Variants in GRIN2A observed in about 807,000 individuals in gnomAD.
The protein encoded by GRIN2A is glutamate receptor ionotropic, NMDA 2A.
GRIN2A carries 22 observed loss-of-function variants against 113.4 expected under a neutral mutation model. That is an observed-to-expected ratio of 0.19 (90% CI 0.14 to 0.28). GRIN2A has a LOEUF of 0.28. Among genes scored for constraint, GRIN2A ranks in the 10% least tolerant of loss-of-function variants. GRIN2A has a pLI of 1.00. For missense variants in GRIN2A, 1,502 were observed against 1,887.0 expected (o/e 0.80, Z 3.78); for synonymous variants, 827 against 738.4 (o/e 1.12, Z -1.94).
chr16:9,829,837 TC>T (rs898246643), intron 8 of GRIN2A, among the ~76,000 whole-genome samples, 185 bp from the exon 9 acceptor site: 2 of 152,152 alleles, frequency 1.3e-5, no homozygotes, highest in Non-Finnish European at 2.9e-5. Flanking sequence ...TTAGCATTCT[TC>T]TCACATTTCT....
chr16:10,044,022 T>TATAGAGAG (rs531659457), intron 2 of GRIN2A, among the ~76,000 whole-genome samples: 1,251 of 107,634 alleles, frequency 0.012, 16 homozygotes, highest in East Asian at 0.018. Context: ...TATATATATA[T>TATAGAGAG]AGAGAGAGAG....
chr16:9,963,584 G>A (rs1057123085), intron 2 of GRIN2A, among the ~76,000 whole-genome samples: 2 of 152,088 alleles, frequency 1.3e-5, no homozygotes, highest in African/African-American at 4.8e-5. Context: ...GGTCACAATT[G>A]TATATATGTG....
At position 9,765,848 on chromosome 16, in the gene GRIN2A, T is replaced by A. The variant is rs563501083; in HGVS notation, c.2596-900A>T. On this transcript the variant is annotated intron_variant, in intron 12 of 12. Transcript: ENST00000330684. Reference sequence around the variant, plus strand: ...CACAGTGACACCGCCTTTAAATCCATCCAGGGAACTGAATGACTTAAGGGC... The same window carrying A: ...CACAGTGACACCGCCTTTAAATCCAACCAGGGAACTGAATGACTTAAGGGC... Among the ~76,000 whole-genome samples, 7 of 152,296 alleles carry A rather than the reference T, an allele frequency of 4.6e-5. 1 individual carries two copies. In the South Asian group the frequency reaches 1.5e-3, roughly 32 times the overall value.
At chr16:10,145,388 A>G (rs2049418409) in intron 2 of GRIN2A, among the ~76,000 whole-genome samples, 1 of 152,230 alleles carries the variant, frequency 6.6e-6, no homozygotes, top group Admixed American at 6.5e-5. Context: ...GAAGTGAAAG[A>G]TATATCTATT....
At chr16:10,127,228 A>G (rs75156297) in intron 2 of GRIN2A, among the ~76,000 whole-genome samples, 3 of 93,586 alleles carry the variant, frequency 3.2e-5, no homozygotes, top group Admixed American at 1.1e-4. Flanking sequence ...TTCAGTCTTG[A>G]AAAAAAAAAA....
At chr16:10,114,659 T>C (rs11644367) in intron 2 of GRIN2A, among the ~76,000 whole-genome samples, 70,426 of 152,046 alleles carry the variant, frequency 0.46, 17,479 homozygotes, top group Admixed American at 0.6. Context: ...CAAAAGGTTA[T>C]GAACCCACTG....
At chr16:9,886,861 T>TG (rs1567373108) in intron 4 of GRIN2A, among the ~76,000 whole-genome samples, 1 of 152,318 alleles carries the variant, frequency 6.6e-6, no homozygotes, top group South Asian at 2.1e-4. Flanking sequence ...TTAATTGTGC[T>TG]GGGTATCCCG....
At chr16:9,941,825 T>C (rs1278435706) in intron 2 of GRIN2A, among the ~76,000 whole-genome samples, 1 of 152,116 alleles carries the variant, frequency 6.6e-6, no homozygotes, top group African/African-American at 2.4e-5. Context: ...TCTCATTTAA[T>C]GCCACCCCCA....
At chr16:9,971,269 T>G (rs990520269) in intron 2 of GRIN2A, among the ~76,000 whole-genome samples, 3 of 152,242 alleles carry the variant, frequency 2.0e-5, no homozygotes, top group Admixed American at 6.5e-5. Flanking sequence ...TCTTCCCTGA[T>G]ATAACAATTT....
chr16:10,025,142 G>T (rs944181086), intron 2 of GRIN2A, among the ~76,000 whole-genome samples: 7 of 151,940 alleles, frequency 4.6e-5, no homozygotes, highest in African/African-American at 1.7e-4. Flanking sequence ...ATTGAAAGAG[G>T]TGGCAGAGAG....
chr16:10,118,033 T>C (rs2142169748), intron 2 of GRIN2A, among the ~76,000 whole-genome samples: 1 of 152,254 alleles, frequency 6.6e-6, no homozygotes, highest in African/African-American at 2.4e-5. Flanking sequence ...AATGATAATC[T>C]TGGGGCATTC....
chr16:9,940,199 C>T (rs1438974046), intron 2 of GRIN2A, among the ~76,000 whole-genome samples: 1 of 152,082 alleles, frequency 6.6e-6, no homozygotes, highest in Admixed American at 6.6e-5. Context: ...AAAGTTCTAT[C>T]AGAATGGGCC....
At chr16:9,838,205 G>T (rs1344804541) in intron 7 of GRIN2A, among the ~76,000 whole-genome samples, 1 of 152,230 alleles carries the variant, frequency 6.6e-6, no homozygotes, top group African/African-American at 2.4e-5. Context: ...AAGAAAGTTA[G>T]TTGACTTTAA....
At chr16:9,976,336 T>C (rs2045772927) in intron 2 of GRIN2A, among the ~76,000 whole-genome samples, 1 of 152,212 alleles carries the variant, frequency 6.6e-6, no homozygotes. Flanking sequence ...AGCCCCATAT[T>C]CTGGGAAACA....
intron 2 of GRIN2A, among the ~76,000 whole-genome samples, chr16:10,091,487 CACACAA>C (rs1047383431): frequency 1.4e-5 from 2 of 146,760 alleles, no homozygotes; most frequent in Non-Finnish European, 3.0e-5. Flanking sequence ...CACACACACA[CACACAA>C]ACACACAAAA....
At chr16:9,973,782 T>C (rs1419132564) in intron 2 of GRIN2A, among the ~76,000 whole-genome samples, 1 of 151,932 alleles carries the variant, frequency 6.6e-6, no homozygotes, top group Non-Finnish European at 1.5e-5. Context: ...TTATAAGTGC[T>C]GGGGGGAAAA....
At chr16:9,882,708 G>A (rs974901352) in intron 4 of GRIN2A, among the ~76,000 whole-genome samples, 5 of 152,126 alleles carry the variant, frequency 3.3e-5, no homozygotes, top group African/African-American at 1.2e-4. Context: ...GACCCCTTAA[G>A]CCCAGGAATT....
intron 2 of GRIN2A, among the ~76,000 whole-genome samples, chr16:9,969,909 C>T (rs2045637367): frequency 6.6e-6 from 1 of 152,232 alleles, no homozygotes; most frequent in African/African-American, 2.4e-5. Context: ...TCACAGGAGA[C>T]TCACAGGCAC....
At chr16:10,176,234 A>C (rs1218663796) in intron 2 of GRIN2A, among the ~76,000 whole-genome samples, 2 of 151,856 alleles carry the variant, frequency 1.3e-5, no homozygotes, top group African/African-American at 2.4e-5. Flanking sequence ...TGAACTCCTG[A>C]CCTCAGGTGA....
Sources: allele counts gnomAD v4.1 joint callset (sites outside exome capture counted in the v4.1 genomes callset), GRCh38; gene constraint gnomAD v4.1.1; transcripts MANE v1.5; gene names NCBI Gene and HGNC (gene_info 2026-07-23, HGNC 2026-07-21).